Variants in MPHOSPH9 observed in about 807,000 individuals in gnomAD.
MPHOSPH9 encodes the protein M-phase phosphoprotein 9.
In MPHOSPH9, 88 loss-of-function variants were observed where a neutral mutation model predicts 145.5. The observed-to-expected ratio is 0.60, with a 90% CI of 0.51 to 0.72. The LOEUF is 0.72. MPHOSPH9 is among the 30% of genes least tolerant of loss of function. MPHOSPH9 has a pLI of 0.00. For missense variants in MPHOSPH9, 1,238 were observed against 1,386.6 expected (o/e 0.89, Z 1.70); for synonymous variants, 435 against 486.2 (o/e 0.89, Z 1.39).
At chr12:123,229,766 A>G (rs752325106) in intron 2 of MPHOSPH9, among the ~76,000 whole-genome samples, 8 of 152,136 alleles carry the variant, frequency 5.3e-5, no homozygotes, top group Non-Finnish European at 1.0e-4. Flanking sequence ...TCTGAGAGAA[A>G]TGAGAAACAT....
intron 14 of MPHOSPH9, among the ~76,000 whole-genome samples, chr12:123,180,339 C>T (rs749305804): frequency 2.6e-4 from 40 of 152,306 alleles, no homozygotes; most frequent in South Asian, 6.2e-4. Flanking sequence ...GATCTGCTCC[C>T]GAACCCTCAG....
chr12:123,234,095 C>T (rs1205964661), upstream of MPHOSPH9, among the ~76,000 whole-genome samples: 1 of 152,174 alleles, frequency 6.6e-6, no homozygotes, highest in Non-Finnish European at 1.5e-5. Flanking sequence ...AGCCACCCAG[C>T]CCTACTTTTG....
chr12:123,218,274 A>G, intron 6 of MPHOSPH9, 102 bp downstream of exon 6: 1 of 1,477,032 alleles, frequency 6.8e-7, no homozygotes, highest in Non-Finnish European at 9.2e-7. Context: ...GAACAAATTA[A>G]CAATACAAAA....
intron 16 of MPHOSPH9, among the ~76,000 whole-genome samples, chr12:123,169,233 T>C (rs1053328477): frequency 2.4e-4 from 36 of 149,470 alleles, no homozygotes; most frequent in East Asian, 1.3e-3. Flanking sequence ...CAGTGGCTCA[T>C]GCCTATAATC....
At chr12:123,160,522 A>C in intron 23 of MPHOSPH9, 1 of 402,012 alleles carries the variant, frequency 2.5e-6, no homozygotes, top group East Asian at 3.9e-5. Context: ...ATTTGCTCTC[A>C]AGTTAGTTTC....
chr12:123,166,331 T>C (rs1183816062), intron 17 of MPHOSPH9: 6 of 294,700 alleles, frequency 2.0e-5, no homozygotes, highest in Non-Finnish European at 6.3e-6. Flanking sequence ...GGTCTCGAAC[T>C]CCTAGGCTCA....
At chr12:123,219,540 G>A (rs900666288) in intron 5 of MPHOSPH9, among the ~76,000 whole-genome samples, 12 of 137,356 alleles carry the variant, frequency 8.7e-5, no homozygotes, top group East Asian at 2.2e-4. Flanking sequence ...GCAACAGAGC[G>A]AGACTCTGTC....
rs1186228741 is a variant in MPHOSPH9, at chr12:123,174,023, A to G, written c.2456+2665T>C. 4.6e-5 allele frequency among the ~76,000 whole-genome samples: 7 copies of G among 152,174 alleles called. No individual in the cohort carries two copies. The South Asian group carries it at 8.3e-4, about 18-fold the overall frequency. On this transcript the variant is annotated intron_variant, in intron 16 of 23. Transcript: ENST00000606320. ...ATGGGATCTGACCCTATCTCTGGGT[A>G]GATAGTATCAGAGATGAATGGGAGG... is the stretch of plus-strand genomic sequence containing the variant.
chr12:123,174,755 A>C (rs2044753554), intron 16 of MPHOSPH9, among the ~76,000 whole-genome samples: 1 of 152,188 alleles, frequency 6.6e-6, no homozygotes, highest in African/African-American at 2.4e-5. Flanking sequence ...ATTTCCACTT[A>C]GAATCGATAT....
intron 11 of MPHOSPH9, 103 bp downstream of exon 11, chr12:123,202,061 T>A: frequency 8.0e-7 from 1 of 1,245,082 alleles, no homozygotes; most frequent in East Asian, 2.5e-5. Flanking sequence ...ACTGTTAAAA[T>A]TTCAGATCCA....
chr12:123,240,068 G>C (rs2047907457), intron 1 of MPHOSPH9, among the ~76,000 whole-genome samples: 1 of 152,056 alleles, frequency 6.6e-6, no homozygotes, highest in African/African-American at 2.4e-5. Flanking sequence ...GAGCTGGTTA[G>C]AAATGCAGAG....
intron 16 of MPHOSPH9, among the ~76,000 whole-genome samples, chr12:123,169,759 C>T (rs962795990): frequency 7.3e-5 from 11 of 151,620 alleles, no homozygotes; most frequent in Admixed American, 5.9e-4. Context: ...CACCACTGTG[C>T]CCAGCTAATT....
chr12:123,198,129 C>G lies in MPHOSPH9; in HGVS notation c.2025+118G>C, dbSNP rs2046057506. The G allele has an allele frequency of 6.7e-6, 5 of 751,060 alleles. No homozygotes were observed. In the Admixed American group the frequency reaches 8.4e-5, roughly 13 times the overall value. The allele number at this position is 751,060 out of a possible 1,614,324, so 46.5% of individuals were successfully genotyped here. A position where few individuals can be genotyped will look rare whatever the true frequency, so the allele number is the denominator to read the frequency against. On this transcript the variant is annotated intron_variant, in intron 12 of 23. Transcript: ENST00000606320. The stretch of plus-strand genomic sequence containing the variant: ...AGTTTATAGCATTATATGAAGCCAA[C>G]AGCACTAAAAATATAAACTTCATAA...
chr12:123,176,384 T>A (rs1318306396), intron 16 of MPHOSPH9, among the ~76,000 whole-genome samples: 1 of 152,214 alleles, frequency 6.6e-6, no homozygotes. Context: ...TAGCCCCTTG[T>A]CCTTATTTTT....
intron 18 of MPHOSPH9, 53 bp from the exon 19 acceptor site, chr12:123,164,143 G>A (rs116785262): frequency 1.4e-5 from 23 of 1,606,000 alleles, no homozygotes; most frequent in African/African-American, 1.2e-4. Context: ...ACAAGCCTAC[G>A]CTTCAGTTAT....
chr12:123,162,046 C>T (rs1185348800), intron 21 of MPHOSPH9, 69 bp downstream of exon 21: 1 of 1,008,732 alleles, frequency 9.9e-7, no homozygotes, highest in African/African-American at 1.6e-5. Flanking sequence ...ATTTAGAACA[C>T]TGAGAGATAC....
At position 123,194,454 on chromosome 12, in the gene MPHOSPH9, C is replaced by G; in HGVS notation, c.2173G>C (p.Glu725Gln). ...SRLQDLEEAF[E>Q]NAYKLSDDKE... ...TCATCTGAGAGTTTGTAAGCATTCT[C>G]AAATGCTTCTTCTAAATCTTGCAGT... Residue 725 changes from glutamate (E) to glutamine (Q), a missense_variant, in exon 13 of 24, where the codon GAG becomes CAG. Coordinates refer to ENST00000606320, the MANE Select transcript of MPHOSPH9 (RefSeq NM_022782.4). The G allele has an allele frequency of 6.2e-7, 1 of 1,610,224 alleles. No individual in the cohort carries two copies. The highest frequency in any genetic ancestry group is 8.5e-7 in the Non-Finnish European group (1 of 1,178,540).
At position 123,161,453 on chromosome 12, in the gene MPHOSPH9, A is replaced by C. The variant is rs2044103456; in HGVS notation, c.3134-70T>G. 3 of 1,528,656 alleles carry C rather than the reference A, an allele frequency of 2.0e-6. No individual in the cohort carries two copies. The Admixed American group carries it at 5.5e-5, about 28-fold the overall frequency. The allele number at this position is 1,528,656 out of a possible 1,614,324, so 94.7% of individuals were successfully genotyped here. A position where few individuals can be genotyped will look rare whatever the true frequency, so the allele number is the denominator to read the frequency against. On this transcript the variant is annotated intron_variant, in intron 21 of 23. Coordinates refer to ENST00000606320, the MANE Select transcript of MPHOSPH9 (RefSeq NM_022782.4). ...CGTGTAGGTTGCATATATATTAAAT[A>C]TGTTGCCCAATTTCACTTTCTGGAT...
At chr12:123,236,976 T>C (rs1292863536), upstream of MPHOSPH9, among the ~76,000 whole-genome samples, 2 of 151,916 alleles carry the variant, frequency 1.3e-5, no homozygotes, top group Non-Finnish European at 2.9e-5. Flanking sequence ...TCCCAGCTAC[T>C]TGGGAGGCTG....
Sources: gnomAD v4.1 joint callset for allele counts (sites outside exome capture counted in the v4.1 genomes callset) on GRCh38, gnomAD v4.1.1 for gene constraint, MANE v1.5 for transcripts, NCBI Gene and HGNC (gene_info 2026-07-23, HGNC 2026-07-21) for gene names.